The following SMYD3 variants were observed in gnomAD, a reference collection of about 807,000 sequenced individuals.
SMYD3 encodes the protein SET and MYND domain containing 3.
SMYD3 carries 36 observed loss-of-function variants against 57.7 expected under a neutral mutation model. That is an observed-to-expected ratio of 0.62 (90% CI 0.48 to 0.82). SMYD3 has a LOEUF of 0.82. Among genes scored for constraint, SMYD3 ranks in the 40% least tolerant of loss-of-function variants. The pLI, the probability that SMYD3 is intolerant of heterozygous loss-of-function variation, is 0.00. For synonymous variants in SMYD3, 211 were observed against 195.0 expected (o/e 1.08, Z -0.68); for missense variants, 515 against 538.8 (o/e 0.96, Z 0.44).
At chr1:246,256,078 G>C (rs1033379218) in intron 5 of SMYD3, among the ~76,000 whole-genome samples, 1 of 152,006 alleles carries the variant, frequency 6.6e-6, no homozygotes, top group Admixed American at 6.6e-5. Context: ...TGATTACAAG[G>C]TCCCACAATA....
chr1:246,337,830 C>G (rs973172992), intron 2 of SMYD3, among the ~76,000 whole-genome samples: 2 of 152,112 alleles, frequency 1.3e-5, no homozygotes, highest in Non-Finnish European at 2.9e-5. Context: ...TGATAGCTTA[C>G]CAGGGTGAGA....
intron 10 of SMYD3, among the ~76,000 whole-genome samples, chr1:245,848,587 T>C (rs2050790070): frequency 6.6e-6 from 1 of 151,980 alleles, no homozygotes; most frequent in South Asian, 2.1e-4. Flanking sequence ...ACTTTTTTTA[T>C]GTTTAGTAGA....
At chr1:246,379,205 C>T (rs2066347563) in intron 1 of SMYD3, among the ~76,000 whole-genome samples, 1 of 150,422 alleles carries the variant, frequency 6.6e-6, no homozygotes, top group Non-Finnish European at 1.5e-5. Context: ...TCTCTTGAAA[C>T]CACTGAACTA....
chr1:245,877,690 C>T (rs2052560335), intron 8 of SMYD3, among the ~76,000 whole-genome samples: 1 of 152,182 alleles, frequency 6.6e-6, no homozygotes, highest in South Asian at 2.1e-4. Flanking sequence ...ATGCATCTGG[C>T]TTCAGTGGCT....
intron 10 of SMYD3, among the ~76,000 whole-genome samples, chr1:245,793,208 C>T (rs928674629): frequency 6.6e-6 from 1 of 151,560 alleles, no homozygotes; most frequent in Non-Finnish European, 1.5e-5. Flanking sequence ...ACTCGGGAGG[C>T]TGAGGCAGGA....
chr1:246,410,827 A>C (rs1008284069), intron 1 of SMYD3, among the ~76,000 whole-genome samples: 1 of 152,010 alleles, frequency 6.6e-6, no homozygotes, highest in Non-Finnish European at 1.5e-5. Context: ...GTAAGCTATT[A>C]ATTATTGCCT....
chr1:246,440,085 T>C (rs2103018362), intron 1 of SMYD3, among the ~76,000 whole-genome samples: 1 of 152,308 alleles, frequency 6.6e-6, no homozygotes, highest in Non-Finnish European at 1.5e-5. Flanking sequence ...TTGCTTGAAG[T>C]TTACAACAAT....
intron 2 of SMYD3, among the ~76,000 whole-genome samples, chr1:246,340,833 T>A (rs1187306046): frequency 6.6e-6 from 1 of 152,162 alleles, no homozygotes; most frequent in African/African-American, 2.4e-5. Flanking sequence ...TAGCCAGACA[T>A]GATGGCATGC....
chr1:246,391,145 G>C (rs2066555860), intron 1 of SMYD3, among the ~76,000 whole-genome samples: 1 of 151,512 alleles, frequency 6.6e-6, no homozygotes, highest in South Asian at 2.1e-4. Flanking sequence ...CAACACTTTG[G>C]GAGGTCAAAG....
intron 5 of SMYD3, among the ~76,000 whole-genome samples, chr1:246,234,557 AT>A (rs1416516066): frequency 1.5e-5 from 2 of 137,170 alleles, no homozygotes; most frequent in Admixed American, 7.0e-5. Flanking sequence ...CACTCCTTCA[AT>A]TCACACTGTG....
chr1:245,790,000 T>C (rs1013038667), intron 10 of SMYD3, among the ~76,000 whole-genome samples: 5 of 152,178 alleles, frequency 3.3e-5, no homozygotes, highest in African/African-American at 1.2e-4. Flanking sequence ...ACTACAGGGA[T>C]AAGCTGGGAA....
intron 1 of SMYD3, among the ~76,000 whole-genome samples, chr1:246,383,693 G>A (rs2066425846): frequency 1.3e-5 from 2 of 152,174 alleles, no homozygotes. Context: ...CAGGCATGGT[G>A]GCTCATGCCT....
chr1:245,781,746 C>T (rs1014903216), intron 10 of SMYD3, among the ~76,000 whole-genome samples: 19 of 152,186 alleles, frequency 1.2e-4, no homozygotes, highest in Admixed American at 3.9e-4. Context: ...TTTGGGAGGC[C>T]GAGCACTGGG....
chr1:246,194,265 T>G (rs1260027593), intron 5 of SMYD3, among the ~76,000 whole-genome samples: 2 of 148,836 alleles, frequency 1.3e-5, no homozygotes, highest in Admixed American at 6.6e-5. Context: ...TCTTGTGGGG[T>G]TTTTTTGTTT....
At chr1:246,052,306 A>C (rs1310299854) in intron 5 of SMYD3, among the ~76,000 whole-genome samples, 1 of 152,254 alleles carries the variant, frequency 6.6e-6, no homozygotes, top group Non-Finnish European at 1.5e-5. Flanking sequence ...CAGGTGACCA[A>C]CACATCAATG....
At chr1:246,218,748 T>C (rs938627583) in intron 5 of SMYD3, among the ~76,000 whole-genome samples, 1 of 152,156 alleles carries the variant, frequency 6.6e-6, no homozygotes, top group African/African-American at 2.4e-5. Context: ...AAAAATTATT[T>C]AACAAAACAA....
At chr1:246,285,307 T>C (rs1035457272) in intron 5 of SMYD3, among the ~76,000 whole-genome samples, 6 of 152,236 alleles carry the variant, frequency 3.9e-5, no homozygotes, top group African/African-American at 1.2e-4. Flanking sequence ...TTCCTTTCTA[T>C]GGCTGAGTAA....
chr1:245,906,271 T>C (rs749208649), intron 8 of SMYD3, among the ~76,000 whole-genome samples: 2 of 152,070 alleles, frequency 1.3e-5, no homozygotes, highest in African/African-American at 4.8e-5. Context: ...CACCAGAATA[T>C]ACAAAGAGCT....
At chr1:246,226,850 A>G (rs1161686235) in intron 5 of SMYD3, among the ~76,000 whole-genome samples, 2 of 152,250 alleles carry the variant, frequency 1.3e-5, no homozygotes, top group Non-Finnish European at 2.9e-5. Flanking sequence ...ATTAAAACCA[A>G]AAGTGTTTAA....
Sources: gnomAD v4.1 joint callset for allele counts (sites outside exome capture counted in the v4.1 genomes callset) on GRCh38, gnomAD v4.1.1 for gene constraint, MANE v1.5 for transcripts, NCBI Gene and HGNC (gene_info 2026-07-23, HGNC 2026-07-21) for gene names.